Variants in SMC3 observed in about 807,000 individuals in gnomAD.
The protein encoded by SMC3 is structural maintenance of chromosomes 3.
In SMC3, 20 loss-of-function variants were observed where a neutral mutation model predicts 171.8. The observed-to-expected ratio is 0.12, with a 90% CI of 0.08 to 0.17. The LOEUF (loss-of-function observed/expected upper bound fraction) is 0.17. SMC3 is among the 10% of genes least tolerant of loss of function. The pLI, the probability that SMC3 is intolerant of heterozygous loss-of-function variation, is 1.00. For synonymous variants in SMC3, 464 were observed against 451.1 expected (o/e 1.03, Z -0.36); for missense variants, 543 against 1,420.4 (o/e 0.38, Z 9.93).
chr10:110,567,787 G>C lies in SMC3; in HGVS notation c.-30G>C. ...GCCGTGCGGTTGCTGCTCCGGGGCA[G>C]GTCTCCTTCCAGGCCAGGGGCCCGG... On this transcript the variant is annotated 5_prime_UTR_variant, in exon 1 of 29. Coordinates refer to ENST00000361804, the MANE Select transcript of SMC3 (RefSeq NM_005445.4). The C allele has an allele frequency of 6.2e-7, 1 of 1,613,348 alleles. No homozygotes were observed. The highest frequency in any genetic ancestry group is 8.5e-7 in the Non-Finnish European group (1 of 1,179,764).
At chr10:110,590,110 A>C in intron 15 of SMC3, 119 bp downstream of exon 15, 2 of 794,456 alleles carry the variant, frequency 2.5e-6, no homozygotes, top group Non-Finnish European at 4.2e-6. Flanking sequence ...TAGGAGTCCA[A>C]ATTATCTTCT....
intron 20 of SMC3, among the ~76,000 whole-genome samples, chr10:110,599,091 T>C (rs1390055434): frequency 6.6e-6 from 1 of 151,798 alleles, no homozygotes; most frequent in Non-Finnish European, 1.5e-5. Flanking sequence ...CCAACCATAT[T>C]CTGACAACTT....
chr10:110,575,453 ATAAAT>A (rs1860933396), intron 4 of SMC3, 50 bp downstream of exon 4: 1 of 1,337,106 alleles, frequency 7.5e-7, no homozygotes, highest in African/African-American at 1.5e-5. Flanking sequence ...TATTTTAAAA[ATAAAT>A]TTTCCATGCT....
At position 110,605,622 on chromosome 10, in the gene SMC3, A is replaced by G. The variant is rs1290694915; in HGVS notation, c.*1320A>G. ...TTCATTTTGACTGGCTGAATCTTTA[A>G]ATGTTCGGTGTATTATTTATACTTT... On this transcript the variant is annotated 3_prime_UTR_variant, in exon 29 of 29. Coordinates refer to ENST00000361804, the MANE Select transcript of SMC3 (RefSeq NM_005445.4). Among the ~76,000 whole-genome samples the G allele has an allele frequency of 2.6e-5, 4 of 152,186 alleles. No individual in the cohort carries two copies. Among genetic ancestry groups the G allele is most frequent in the Admixed American group, 6.5e-5 (1 of 15,280 alleles).
intron 7 of SMC3, among the ~76,000 whole-genome samples, chr10:110,579,594 A>G (rs1399226100): frequency 6.6e-6 from 1 of 152,016 alleles, no homozygotes; most frequent in Non-Finnish European, 1.5e-5. Context: ...TAACACTTAC[A>G]CTGTTAGGAT....
At chr10:110,586,735 G>A (rs1861122461) in intron 13 of SMC3, among the ~76,000 whole-genome samples, 1 of 152,096 alleles carries the variant, frequency 6.6e-6, no homozygotes, top group Admixed American at 6.5e-5. Flanking sequence ...TTGGCTCACT[G>A]CAACTTCTGC....
chr10:110,582,950 A>C (rs1255392268), intron 10 of SMC3, among the ~76,000 whole-genome samples: 2 of 89,806 alleles, frequency 2.2e-5, no homozygotes, highest in African/African-American at 1.2e-4. Context: ...TTTTTTTTGG[A>C]AGACAGGGTC....
chr10:110,567,745 C>T lies in SMC3; in HGVS notation c.-72C>T. The stretch of plus-strand genomic sequence containing the variant: ...CTTTGGGGGAGGGGTCGCGTAGGCG[C>T]CTCACCTGACCCTGCGGCCGTGCGG... On this transcript the variant is annotated 5_prime_UTR_variant, in exon 1 of 29. Transcript: ENST00000361804. 3 of 1,589,752 alleles carry T rather than the reference C, an allele frequency of 1.9e-6. No individual in the cohort carries two copies. The highest frequency in any genetic ancestry group is 2.2e-5 in the East Asian group (1 of 44,766).
intron 19 of SMC3, among the ~76,000 whole-genome samples, chr10:110,597,756 TCATA>T (rs1419901246): frequency 5.3e-5 from 8 of 152,360 alleles, no homozygotes; most frequent in East Asian, 3.9e-4. Context: ...CAAGAACTCT[TCATA>T]CATAAACCCT....
intron 1 of SMC3, 102 bp from the exon 2 acceptor site, chr10:110,568,836 G>T: frequency 1.4e-6 from 1 of 702,898 alleles, no homozygotes; most frequent in Non-Finnish European, 2.5e-6. Context: ...GAAATTTCGA[G>T]TTTTCTATAT....
rs775111578 is a variant in SMC3 at position 110,590,423 on chromosome 10, T to C, written c.1521T>C (p.Asn507=). The C allele has an allele frequency of 6.2e-7, 1 of 1,613,916 alleles. No individual in the cohort carries two copies. The highest frequency in any genetic ancestry group is 1.1e-5 in the South Asian group (1 of 91,072). Residue 507 remains asparagine (N), a synonymous_variant, in exon 16 of 29, where the codon AAT becomes AAC. Transcript: ENST00000361804. Reference sequence around the variant, plus strand: ...CTGACAACTTACAGGCCATTTTAAATGGAATAGACAGCATAAACAAAGTGC... The same window carrying C: ...CTGACAACTTACAGGCCATTTTAAACGGAATAGACAGCATAAACAAAGTGC... ...LRAATGKAIL[N]GIDSINKVLD... is the part of the protein sequence containing the mutation.
At chr10:110,578,282 A>C (rs112436423) in intron 6 of SMC3, among the ~76,000 whole-genome samples, 4,864 of 152,142 alleles carry the variant, frequency 0.032, 240 homozygotes, top group African/African-American at 0.11. Flanking sequence ...CCATGTTGGC[A>C]GGCTGGTCTC....
chr10:110,576,776 A>G (rs566647666), intron 4 of SMC3, among the ~76,000 whole-genome samples: 5 of 152,274 alleles, frequency 3.3e-5, no homozygotes, highest in African/African-American at 1.2e-4. Context: ...TCTTCATTGT[A>G]TTTACTACAT....
At chr10:110,571,185 C>A (rs1283200206) in intron 2 of SMC3, among the ~76,000 whole-genome samples, 1 of 152,072 alleles carries the variant, frequency 6.6e-6, no homozygotes, top group Non-Finnish European at 1.5e-5. Context: ...CACCATGATT[C>A]TTCAGAGATA....
intron 19 of SMC3, among the ~76,000 whole-genome samples, chr10:110,597,437 C>G (rs905567001): frequency 6.6e-6 from 1 of 152,230 alleles, no homozygotes; most frequent in East Asian, 1.9e-4. Flanking sequence ...AATATAGGTA[C>G]TTGAGCATCA....
At chr10:110,582,253 A>C (rs145938658) in intron 9 of SMC3, among the ~76,000 whole-genome samples, 155 bp downstream of exon 9, 1 of 152,350 alleles carries the variant, frequency 6.6e-6, no homozygotes, top group Admixed American at 6.5e-5. Context: ...TTTTAGTTCA[A>C]GGAAATTAGC....
At chr10:110,568,192 C>CTG in intron 1 of SMC3, 1 of 402,444 alleles carries the variant, frequency 2.5e-6, no homozygotes, top group South Asian at 2.8e-5. Flanking sequence ...GCGGGAAGGG[C>CTG]TGTGTGGTCC....
intron 21 of SMC3, 51 bp downstream of exon 21, chr10:110,599,863 G>T: frequency 6.5e-7 from 1 of 1,543,044 alleles, no homozygotes; most frequent in South Asian, 1.1e-5. Context: ...TGGCTATTGT[G>T]AAAAGGGCCT....
intron 7 of SMC3, among the ~76,000 whole-genome samples, chr10:110,579,483 A>G (rs1861000268): frequency 6.6e-6 from 1 of 152,084 alleles, no homozygotes; most frequent in South Asian, 2.1e-4. Flanking sequence ...ACTTCATTTC[A>G]GTTTCTGCCC....
Sources: gnomAD v4.1 joint callset for allele counts (sites outside exome capture counted in the v4.1 genomes callset) on GRCh38, gnomAD v4.1.1 for gene constraint, MANE v1.5 for transcripts, NCBI Gene and HGNC (gene_info 2026-07-23, HGNC 2026-07-21) for gene names.